Variants in RSRC1 observed in about 807,000 individuals in gnomAD.
The protein encoded by RSRC1 is serine/Arginine-related protein 53.
Under a neutral mutation model 49.1 loss-of-function variants are expected in RSRC1, and 39 were observed. That is an observed-to-expected ratio of 0.79 (90% CI 0.61 to 1.04). The LOEUF (loss-of-function observed/expected upper bound fraction) is 1.04, where lower values mean the gene tolerates loss of function less well. RSRC1 is among the 50% of genes least tolerant of loss of function. The pLI is 0.00. For missense variants in RSRC1, 388 were observed against 402.4 expected, an observed-to-expected ratio of 0.96 and a Z score of 0.31; for synonymous variants, 143 against 130.8, an observed-to-expected ratio of 1.09 and a Z score of -0.63.
intron 5 of RSRC1, among the ~76,000 whole-genome samples, chr3:158,324,575 T>C (rs891933702): frequency 3.3e-4 from 50 of 152,204 alleles, no homozygotes; most frequent in Non-Finnish European, 6.8e-4. Flanking sequence ...TCCTTTCTTA[T>C]GGCTGCATAG....
chr3:158,432,294 G>A (rs147353118), intron 6 of RSRC1, among the ~76,000 whole-genome samples: 26 of 152,048 alleles, frequency 1.7e-4, no homozygotes, highest in African/African-American at 6.0e-4. Flanking sequence ...CAAAACAGAC[G>A]TAGCTCTAAT....
At chr3:158,332,763 C>T (rs1313145260) in intron 5 of RSRC1, among the ~76,000 whole-genome samples, 1 of 151,034 alleles carries the variant, frequency 6.6e-6, no homozygotes, top group African/African-American at 2.4e-5. Context: ...ATGTATTTTT[C>T]TATGATAGCA....
intron 3 of RSRC1, among the ~76,000 whole-genome samples, chr3:158,177,906 G>A (rs1030357471): frequency 1.3e-5 from 2 of 152,048 alleles, no homozygotes; most frequent in African/African-American, 2.4e-5. Context: ...ATGTGATTTC[G>A]TTGGGATTTC....
rs745584133 is a variant in RSRC1, at chr3:158,543,407, A to C, written c.832A>C (p.Ser278Arg). The change falls in exon 9 of 10, where the codon AGT becomes CGT. Residue 278 changes from serine to arginine, a missense_variant. By Grantham distance (110) the Ser-to-Arg change is moderately radical. Coordinates refer to ENST00000611884, the MANE Select transcript of RSRC1 (RefSeq NM_001271838.2). ...GPASAVADPPSTEKEIDPTSI... is the reference protein window; with the variant it reads ...GPASAVADPPRTEKEIDPTSI... ...AGCATCAGCAGTTGCTGATCCACCC[A>C]GTACTGAAAAAGAAATAGATCCTAC... is the stretch of plus-strand genomic sequence containing the variant. 6 of 1,611,088 alleles carry C rather than the reference A, an allele frequency of 3.7e-6. No homozygotes were observed. The highest frequency in any genetic ancestry group is 5.1e-6 in the Non-Finnish European group (6 of 1,178,646).
chr3:158,313,476 G>A (rs1728240126), intron 5 of RSRC1, among the ~76,000 whole-genome samples: 1 of 152,128 alleles, frequency 6.6e-6, no homozygotes, highest in Admixed American at 6.5e-5. Flanking sequence ...AATAATTTGT[G>A]CCTGTAATGA....
chr3:158,352,480 T>TA lies in RSRC1; in HGVS notation c.532-2370dup, dbSNP rs546999397. Among the ~76,000 whole-genome samples the TA allele has an allele frequency of 8.5e-5, 13 of 152,180 alleles. No individual in the cohort carries two copies. The South Asian group carries it at 1.0e-3, about 12-fold the overall frequency. On this transcript the variant is annotated intron_variant, in intron 5 of 9. Transcript: ENST00000611884. ...TATGTCTTAAATATTTCTTAATTGTTAAAAAAATCTTTCCTTATGAAATAC... is the reference window on the plus strand; with the variant it reads ...TATGTCTTAAATATTTCTTAATTGTTAAAAAAAATCTTTCCTTATGAAATAC...
chr3:158,113,397 T>C (rs575154659), intron 1 of RSRC1, among the ~76,000 whole-genome samples: 1 of 140,852 alleles, frequency 7.1e-6, no homozygotes, highest in Admixed American at 7.4e-5. Flanking sequence ...GAGACGGGAG[T>C]CTCACTCTGT....
At chr3:158,174,750 T>C (rs1719100347) in intron 3 of RSRC1, among the ~76,000 whole-genome samples, 1 of 152,078 alleles carries the variant, frequency 6.6e-6, no homozygotes, top group South Asian at 2.1e-4. Context: ...CCACAATTTA[T>C]CTTTTAACAA....
chr3:158,329,591 T>C (rs995744948), intron 5 of RSRC1, among the ~76,000 whole-genome samples: 6 of 152,242 alleles, frequency 3.9e-5, no homozygotes, highest in Non-Finnish European at 5.9e-5. Context: ...TGATCGTTCC[T>C]CTGGAAGCTT....
At chr3:158,538,899 A>C (rs1712878964) in intron 8 of RSRC1, among the ~76,000 whole-genome samples, 1 of 152,026 alleles carries the variant, frequency 6.6e-6, no homozygotes, top group Non-Finnish European at 1.5e-5. Flanking sequence ...AATATAGAAC[A>C]AAGGGACAGT....
At chr3:158,221,624 G>A (rs1380226781) in intron 4 of RSRC1, among the ~76,000 whole-genome samples, 6 of 151,446 alleles carry the variant, frequency 4.0e-5, no homozygotes, top group African/African-American at 7.3e-5. Context: ...CTTCTGAACA[G>A]TAAACTTGAA....
intron 6 of RSRC1, among the ~76,000 whole-genome samples, chr3:158,378,142 A>T (rs1732478265): frequency 6.6e-6 from 1 of 152,028 alleles, no homozygotes; most frequent in Non-Finnish European, 1.5e-5. Context: ...AACATGTTTC[A>T]GTTCTAAAAT....
intron 4 of RSRC1, among the ~76,000 whole-genome samples, chr3:158,211,875 C>A (rs957369258): frequency 6.6e-6 from 1 of 151,834 alleles, no homozygotes; most frequent in Non-Finnish European, 1.5e-5. Flanking sequence ...TTTGTGATTA[C>A]CAGTTTCTCA....
In RSRC1 at chr3:158,195,550, G is replaced by A. The variant is rs552527013; in HGVS notation, c.321-7522G>A. Among the ~76,000 whole-genome samples, 12 of 152,260 alleles carry A rather than the reference G, an allele frequency of 7.9e-5. No individual in the cohort carries two copies. The East Asian group carries it at 2.3e-3, about 29-fold the overall frequency. ...GGCTTTTGTTGCCATTGCTTTTGGT[G>A]TTTTAGACATGAAGTCCTTGCCCAT... On this transcript the variant is annotated intron_variant, in intron 3 of 9. Transcript: ENST00000611884.
chr3:158,404,745 G>T (rs750852306), intron 6 of RSRC1, among the ~76,000 whole-genome samples: 4 of 151,872 alleles, frequency 2.6e-5, no homozygotes, highest in Admixed American at 6.6e-5. Context: ...GTATAGCAAG[G>T]ATATAAAGAA....
chr3:158,195,764 C>G (rs553295398), intron 3 of RSRC1, among the ~76,000 whole-genome samples: 2 of 152,230 alleles, frequency 1.3e-5, no homozygotes, highest in South Asian at 4.2e-4. Flanking sequence ...AATCCTTTCC[C>G]CATTTCTTGT....
chr3:158,139,837 G>A (rs910597501), intron 3 of RSRC1, among the ~76,000 whole-genome samples: 5 of 152,104 alleles, frequency 3.3e-5, no homozygotes, highest in South Asian at 4.1e-4. Flanking sequence ...GTTTCCCCAT[G>A]TTGGCCAGGC....
chr3:158,308,100 G>A (rs569242665), intron 5 of RSRC1, among the ~76,000 whole-genome samples: 1 of 151,928 alleles, frequency 6.6e-6, no homozygotes, highest in African/African-American at 2.4e-5. Context: ...AAAGAAGCTG[G>A]TATGAACATA....
At chr3:158,254,004 G>A (rs768778098) in intron 4 of RSRC1, among the ~76,000 whole-genome samples, 1 of 152,146 alleles carries the variant, frequency 6.6e-6, no homozygotes, top group Non-Finnish European at 1.5e-5. Flanking sequence ...CTGTAAGTGA[G>A]AACGTGCAGT....
Sources: allele counts gnomAD v4.1 joint callset (sites outside exome capture counted in the v4.1 genomes callset), GRCh38; gene constraint gnomAD v4.1.1; transcripts MANE v1.5; gene names NCBI Gene and HGNC (gene_info 2026-07-23, HGNC 2026-07-21).